The following FAM228B variants were observed in gnomAD, a reference collection of about 807,000 sequenced individuals.
The protein encoded by FAM228B is family with sequence similarity 228 member B.
A neutral mutation model predicts 42.6 loss-of-function variants in FAM228B; 38 were observed. The observed-to-expected ratio is 0.89, with a 90% CI of 0.69 to 1.17. The LOEUF is 1.17. Among genes scored for constraint, FAM228B ranks in the 50% most tolerant of loss-of-function variants. The pLI is 0.00. For synonymous variants in FAM228B, 109 were observed against 122.3 expected (o/e 0.89, Z 0.72); for missense variants, 344 against 367.3 (o/e 0.94, Z 0.52).
At chr2:24,104,333 C>T (rs1317609701) in intron 3 of FAM228B, among the ~76,000 whole-genome samples, 3 of 152,218 alleles carry the variant, frequency 2.0e-5, no homozygotes, top group African/African-American at 4.8e-5. Flanking sequence ...GGCCAACTCT[C>T]GAGTCCAAGG....
At chr2:24,154,921 G>A (rs1309676295) in intron 7 of FAM228B, among the ~76,000 whole-genome samples, 5 of 152,132 alleles carry the variant, frequency 3.3e-5, no homozygotes, top group Non-Finnish European at 5.9e-5. Flanking sequence ...TTAAAAAGTG[G>A]CCACAAATGG....
At chr2:24,164,031 T>C (rs1444133357) in intron 8 of FAM228B, among the ~76,000 whole-genome samples, 167 bp from the exon 9 acceptor site, 2 of 151,232 alleles carry the variant, frequency 1.3e-5, no homozygotes, top group Admixed American at 1.3e-4. Flanking sequence ...AAGGCAATAC[T>C]ATTTATTTGG....
chr2:24,131,435 T>C lies in FAM228B; in HGVS notation c.100-3684T>C, dbSNP rs189744927. Among the ~76,000 whole-genome samples, 174 of 152,192 alleles carry C rather than the reference T, an allele frequency of 1.1e-3. 1 individual carries two copies. The highest frequency in any genetic ancestry group is 1.7e-3 in the Non-Finnish European group (118 of 68,028). ...ACTTTGGGTAGTGTGGCCATTTTCA[T>C]GATATTGATTCTTCCTATCCATGAG... On this transcript the variant is annotated intron_variant, in intron 2 of 10. Transcript: ENST00000615575.
At chr2:24,163,469 C>G (rs965632454) in intron 8 of FAM228B, among the ~76,000 whole-genome samples, 1 of 152,066 alleles carries the variant, frequency 6.6e-6, no homozygotes, top group Non-Finnish European at 1.5e-5. Context: ...AAGGAAGTGT[C>G]CAAACTAAGC....
At chr2:24,134,885 G>A (rs1460176289) in intron 2 of FAM228B, among the ~76,000 whole-genome samples, 1 of 152,210 alleles carries the variant, frequency 6.6e-6, no homozygotes, top group African/African-American at 2.4e-5. Flanking sequence ...TGGAAGTGGA[G>A]GTTGTAGTGA....
rs1665171771 is a variant in FAM228B at position 24,084,448 on chromosome 2, G to A, written c.-210+3493G>A. 7.8e-7 allele frequency: 1 copy of A among 1,278,482 alleles called. No homozygotes were observed. The highest frequency in any genetic ancestry group is 3.2e-5 in the Admixed American group (1 of 31,396). 79.2% of individuals were successfully genotyped at this position (1,278,482 alleles called of 1,614,324 possible). A position where few individuals can be genotyped will look rare whatever the true frequency, so the allele number is the denominator to read the frequency against. ...CGCTGTATCCTCGCGGAGCAGCCCA[G>A]CCTCAGGCTGGCACCGCAGCGCCCC... On this transcript the variant is annotated intron_variant, in intron 2 of 10. Coordinates refer to the FAM228B transcript ENST00000613899. This position sits in a 1 kb window ranked among gnomAD's most constrained non-coding sequence, Gnocchi z 8.4.
intron 3 of FAM228B, among the ~76,000 whole-genome samples, chr2:24,135,435 T>C (rs965875475): frequency 2.6e-5 from 4 of 152,226 alleles, no homozygotes; most frequent in African/African-American, 9.6e-5. Context: ...CTTGTTTCTT[T>C]GTCTTAGTGG....
In FAM228B at chr2:24,077,492, G is replaced by T. The variant is rs1664801091; in HGVS notation, c.-290+523G>T. On this transcript the variant is annotated intron_variant, in intron 1 of 10. Transcript: ENST00000613899. The surrounding 1 kb of genome is among the most constrained non-coding windows in gnomAD (Gnocchi z 5.5). ...TAAACGGCTCTGGAGGAAGCACCGG[G>T]TTTCTTGGCCTGTCTATTGTGAATC... is the stretch of plus-strand genomic sequence containing the variant. 6 of 1,425,156 alleles carry T rather than the reference G, an allele frequency of 4.2e-6. No homozygotes were observed. The highest frequency in any genetic ancestry group is 1.4e-5 in the South Asian group (1 of 70,016). 88.3% of individuals were successfully genotyped at this position (1,425,156 alleles called of 1,614,324 possible).
chr2:24,114,951 A>G (rs921726057), intron 3 of FAM228B, among the ~76,000 whole-genome samples: 1 of 152,196 alleles, frequency 6.6e-6, no homozygotes, highest in African/African-American at 2.4e-5. Context: ...CCAATGTTCA[A>G]AATGATACCA....
At chr2:24,130,721 G>A (rs1337840474) in intron 2 of FAM228B, among the ~76,000 whole-genome samples, 3 of 151,936 alleles carry the variant, frequency 2.0e-5, no homozygotes, top group African/African-American at 2.4e-5. Flanking sequence ...TGGGTAGATT[G>A]CAAAAATTTT....
At chr2:24,149,262 C>T (rs1298796985) in intron 7 of FAM228B, among the ~76,000 whole-genome samples, 2 of 152,236 alleles carry the variant, frequency 1.3e-5, no homozygotes, top group East Asian at 1.9e-4. Context: ...TGCTGAATCA[C>T]GTGGTAGGTC....
rs557655249 is a variant in FAM228B, at chr2:24,144,237, C to G, written c.442-2511C>G. Among the ~76,000 whole-genome samples the G allele has an allele frequency of 6.6e-5, 10 of 152,002 alleles. No homozygotes were observed. The South Asian group carries it at 1.9e-3, about 28-fold the overall frequency. ...GGGAGGATGACTTGAACTCAGCATT[C>G]GAGACCAGCCTGGGCAACATAGGGA... On this transcript the variant is annotated intron_variant, in intron 5 of 10. Transcript: ENST00000615575.
intron 7 of FAM228B, among the ~76,000 whole-genome samples, chr2:24,153,842 CA>C (rs1250183008): frequency 6.6e-6 from 1 of 152,224 alleles, no homozygotes; most frequent in Admixed American, 6.5e-5. Context: ...CTTCAGCCCA[CA>C]ATGGTGAGGC....
chr2:24,088,243 G>A lies in FAM228B; in HGVS notation c.-209-6898G>A, dbSNP rs971192105. Among the ~76,000 whole-genome samples the A allele has an allele frequency of 1.6e-4, 24 of 152,266 alleles. 1 individual carries two copies. Among genetic ancestry groups the A allele is most frequent in the Admixed American group, 5.9e-4 (9 of 15,288 alleles). On this transcript the variant is annotated intron_variant, in intron 2 of 10. Transcript: ENST00000613899. ...CTGGTGAACACATCCACCATGGGAA[G>A]ATGGTGTGGTGTACCCCAACTCCAT...
intron 3 of FAM228B, among the ~76,000 whole-genome samples, chr2:24,104,872 C>G (rs1360438481): frequency 6.6e-6 from 1 of 152,200 alleles, no homozygotes; most frequent in African/African-American, 2.4e-5. Context: ...AGTCCTGCTT[C>G]TGTGTGAACT....
chr2:24,129,286 T>A (rs1666393980), intron 2 of FAM228B, among the ~76,000 whole-genome samples: 1 of 151,828 alleles, frequency 6.6e-6, no homozygotes, highest in Admixed American at 6.6e-5. Flanking sequence ...TCTTGGAAAC[T>A]GTTGTTTCAT....
At chr2:24,120,277 A>AAC (rs1553329185), upstream of FAM228B, among the ~76,000 whole-genome samples, 4,499 of 151,482 alleles carry the variant, frequency 0.03, 86 homozygotes, top group African/African-American at 0.057. Flanking sequence ...TCAAAAAAAA[A>AAC]AACAACAACA....
intron 3 of FAM228B, among the ~76,000 whole-genome samples, chr2:24,112,235 A>G (rs1665809227): frequency 6.6e-6 from 1 of 151,580 alleles, no homozygotes; most frequent in Admixed American, 6.6e-5. Context: ...TAAAATGTAT[A>G]TATTATGTGC....
At chr2:24,094,980 T>C (rs11892283) in intron 2 of FAM228B, among the ~76,000 whole-genome samples, 42,818 of 152,002 alleles carry the variant, frequency 0.28, 6,506 homozygotes, top group South Asian at 0.39. Context: ...CTCATAGTCC[T>C]AGCTACTCCC....
Sources: gnomAD v4.1 joint callset for allele counts (sites outside exome capture counted in the v4.1 genomes callset) on GRCh38, gnomAD v4.1.1 for gene constraint, Gnocchi (gnomAD v3.1) non-coding constraint, MANE v1.5 for transcripts, NCBI Gene and HGNC (gene_info 2026-07-23, HGNC 2026-07-21) for gene names.